Variants in DLGAP1 observed in about 807,000 individuals in gnomAD.
DLGAP1 encodes DLG associated protein 1.
DLGAP1 carries 11 observed loss-of-function variants against 90.8 expected under a neutral mutation model. That is an observed-to-expected ratio of 0.12 (90% CI 0.08 to 0.20). The LOEUF (loss-of-function observed/expected upper bound fraction) is 0.20, where lower values mean the gene tolerates loss of function less well. Among genes scored for constraint, DLGAP1 ranks in the 10% least tolerant of loss-of-function variants. The pLI, the probability that DLGAP1 is intolerant of heterozygous loss-of-function variation, is 1.00. For synonymous variants in DLGAP1, 558 were observed against 540.7 expected, an observed-to-expected ratio of 1.03 and a Z score of -0.44; for missense variants, 1,050 against 1,333.8, an observed-to-expected ratio of 0.79 and a Z score of 3.31.
intron 1 of DLGAP1, among the ~76,000 whole-genome samples, chr18:4,203,970 C>A (rs1392669518): frequency 1.3e-5 from 2 of 152,170 alleles, no homozygotes; most frequent in African/African-American, 4.8e-5. Context: ...CTGGTAGCAT[C>A]TCCGCAAACA....
At chr18:3,833,319 G>C (rs745346616) in intron 4 of DLGAP1, among the ~76,000 whole-genome samples, 1 of 150,554 alleles carries the variant, frequency 6.6e-6, no homozygotes, top group South Asian at 2.1e-4. Flanking sequence ...CTGCAGCCTC[G>C]ATCTTTCAGG....
At chr18:3,944,498 T>C (rs995930965) in intron 3 of DLGAP1, among the ~76,000 whole-genome samples, 1 of 151,542 alleles carries the variant, frequency 6.6e-6, no homozygotes, top group Admixed American at 6.6e-5. Context: ...ACAGAGACTC[T>C]GTTAAAAAAA....
intron 10 of DLGAP1, among the ~76,000 whole-genome samples, chr18:3,529,469 T>C (rs2144378062): frequency 6.6e-6 from 1 of 151,630 alleles, no homozygotes; most frequent in Admixed American, 6.6e-5. Flanking sequence ...CTTATTGAAG[T>C]TTTTTTTTAG....
chr18:3,539,604 T>C (rs1363067281), intron 9 of DLGAP1, among the ~76,000 whole-genome samples: 1 of 152,216 alleles, frequency 6.6e-6, no homozygotes, highest in Admixed American at 6.5e-5. Flanking sequence ...GTTTCTACCC[T>C]CTCCCACTTC....
Position 4,206,964 on chromosome 18 carries a change from A to G in DLGAP1, c.-266-55677T>C, listed in dbSNP as rs186060602. 3.3e-5 allele frequency among the ~76,000 whole-genome samples: 5 copies of G among 152,332 alleles called. No homozygotes were observed. The East Asian group carries it at 7.7e-4, about 24-fold the overall frequency. ...AATGTAAAAGAGATAGTAAAGACCA[A>G]GACATTGAAGTTACAGAAGAGAAAG... On this transcript the variant is annotated intron_variant, in intron 1 of 12. Transcript: ENST00000315677.
Position 3,580,342 on chromosome 18 carries a change from T to C in DLGAP1, c.1965+1533A>G, listed in dbSNP as rs2055417401. 4 of 1,613,934 alleles carry C rather than the reference T, an allele frequency of 2.5e-6. No homozygotes were observed. In the East Asian group the frequency reaches 6.7e-5, roughly 27 times the overall value. ...AGTCCCTTTTTCAGTGCGCGAAATG[T>C]AGTTTTGCCACAGACTCGGGGCTCG... On this transcript the variant is annotated intron_variant, in intron 8 of 12. Coordinates refer to ENST00000315677, the MANE Select transcript of DLGAP1 (RefSeq NM_004746.4).
At chr18:3,500,979 C>A (rs1470345295) in intron 12 of DLGAP1, among the ~76,000 whole-genome samples, 1 of 152,022 alleles carries the variant, frequency 6.6e-6, no homozygotes. Context: ...AGTGGCGCAA[C>A]CACGGCTCAC....
intron 5 of DLGAP1, among the ~76,000 whole-genome samples, chr18:3,787,117 TC>T (rs1013445084): frequency 7.3e-6 from 1 of 136,294 alleles, no homozygotes; most frequent in African/African-American, 2.6e-5. Context: ...GGAAAAATGC[TC>T]ATGATAATCA....
At chr18:3,797,980 T>C (rs1351672257) in intron 5 of DLGAP1, among the ~76,000 whole-genome samples, 1 of 152,188 alleles carries the variant, frequency 6.6e-6, no homozygotes, top group East Asian at 1.9e-4. Flanking sequence ...GAAACCCCTA[T>C]CGCTTGGCTC....
At position 3,526,152 on chromosome 18, in the gene DLGAP1, G is replaced by C. The variant is rs2051604489; in HGVS notation, c.2479+8042C>G. ...GTGGAGTGGGAGGGACCTTTTGAGG[G>C]TTCATTGCAAGAGTTAGATGAGAAT... is the stretch of plus-strand genomic sequence containing the variant. On this transcript the variant is annotated intron_variant, in intron 10 of 12. Coordinates refer to ENST00000315677, the MANE Select transcript of DLGAP1 (RefSeq NM_004746.4). This position sits in a 1 kb window ranked among gnomAD's most constrained non-coding sequence, Gnocchi z 4.7. 1.3e-5 allele frequency among the ~76,000 whole-genome samples: 2 copies of C among 152,188 alleles called. No homozygotes were observed.
chr18:3,936,929 T>C (rs1211743795), intron 3 of DLGAP1, among the ~76,000 whole-genome samples: 2 of 152,150 alleles, frequency 1.3e-5, no homozygotes, highest in African/African-American at 4.8e-5. Context: ...TGTGTGGGCA[T>C]TGGAAACTAG....
At chr18:4,363,836 A>C (rs1426395399) in intron 1 of DLGAP1, among the ~76,000 whole-genome samples, 2 of 149,376 alleles carry the variant, frequency 1.3e-5, no homozygotes, top group East Asian at 4.1e-4. Flanking sequence ...ACCATTGTGG[A>C]AGTCACTGTG....
intron 1 of DLGAP1, among the ~76,000 whole-genome samples, chr18:4,403,810 T>C (rs1482178214): frequency 6.6e-6 from 1 of 152,138 alleles, no homozygotes; most frequent in Non-Finnish European, 1.5e-5. Context: ...CATGGGTTAT[T>C]TGCAAGATCT....
intron 1 of DLGAP1, among the ~76,000 whole-genome samples, chr18:4,226,974 C>T (rs554843836): frequency 6.6e-6 from 1 of 151,664 alleles, no homozygotes; most frequent in East Asian, 1.9e-4. Context: ...GGCACTTCAC[C>T]TATAAAGAAA....
At chr18:4,155,027 A>G (rs2076733020) in intron 1 of DLGAP1, among the ~76,000 whole-genome samples, 2 of 152,212 alleles carry the variant, frequency 1.3e-5, no homozygotes, top group Non-Finnish European at 2.9e-5. Context: ...GGTAAGAGGT[A>G]TCAGAAGTGC....
intron 1 of DLGAP1, among the ~76,000 whole-genome samples, chr18:4,387,431 G>T (rs1289044898): frequency 6.6e-6 from 1 of 152,122 alleles, no homozygotes; most frequent in Non-Finnish European, 1.5e-5. Flanking sequence ...TAATTGTGAT[G>T]GAAGTATATT....
intron 1 of DLGAP1, among the ~76,000 whole-genome samples, chr18:4,403,958 G>T (rs182464919): frequency 3.0e-4 from 46 of 152,184 alleles, no homozygotes; most frequent in African/African-American, 1.1e-3. Flanking sequence ...GAGAGTGTGG[G>T]AAGACAGTTC....
intron 9 of DLGAP1, among the ~76,000 whole-genome samples, chr18:3,555,810 CA>C (rs1181887247): frequency 1.3e-5 from 2 of 151,132 alleles, no homozygotes; most frequent in Non-Finnish European, 2.9e-5. Flanking sequence ...AACTCCGTCT[CA>C]AAAAAAATAA....
intron 9 of DLGAP1, among the ~76,000 whole-genome samples, chr18:3,548,055 A>G (rs1206454124): frequency 2.0e-5 from 3 of 152,226 alleles, no homozygotes; most frequent in Non-Finnish European, 4.4e-5. Flanking sequence ...AAGTCCATAG[A>G]GACAGCAAAC....
Sources: allele counts gnomAD v4.1 joint callset (sites outside exome capture counted in the v4.1 genomes callset), GRCh38; gene constraint gnomAD v4.1.1; non-coding constraint Gnocchi (gnomAD v3.1); transcripts MANE v1.5; gene names NCBI Gene and HGNC (gene_info 2026-07-23, HGNC 2026-07-21).